The following AKAP6 variants were observed in gnomAD, a reference collection of about 807,000 sequenced individuals.
The protein encoded by AKAP6 is A-kinase anchor protein 6.
A neutral mutation model predicts 188.5 loss-of-function variants in AKAP6; 58 were observed. That is an observed-to-expected ratio of 0.31 (90% CI 0.25 to 0.38). The LOEUF (loss-of-function observed/expected upper bound fraction) is 0.38, where lower values mean the gene tolerates loss of function less well. AKAP6 is among the 10% of genes least tolerant of loss of function. The pLI is 1.00. For missense variants in AKAP6, 2,710 were observed against 2,740.0 expected, an observed-to-expected ratio of 0.99 and a Z score of 0.24; for synonymous variants, 989 against 998.6, an observed-to-expected ratio of 0.99 and a Z score of 0.18.
intron 9 of AKAP6, among the ~76,000 whole-genome samples, chr14:32,727,346 A>G (rs1241135147): frequency 6.6e-6 from 1 of 152,140 alleles, no homozygotes. Context: ...TTAAAGGCTT[A>G]GATATTTGTT....
chr14:32,441,159 T>G (rs1312417974), intron 2 of AKAP6, among the ~76,000 whole-genome samples: 2 of 152,092 alleles, frequency 1.3e-5, no homozygotes, highest in African/African-American at 4.8e-5. Flanking sequence ...CAGTCTAAGG[T>G]GTTTTGTTAT....
chr14:32,638,751 G>T (rs1354688621), intron 7 of AKAP6, among the ~76,000 whole-genome samples: 2 of 151,836 alleles, frequency 1.3e-5, no homozygotes, highest in Non-Finnish European at 2.9e-5. Context: ...GAGGGTAAAG[G>T]GTGGTATAGA....
At chr14:32,494,272 C>T (rs1003014694) in intron 2 of AKAP6, 8 of 152,088 alleles carry the variant, frequency 5.3e-5, no homozygotes, top group African/African-American at 9.7e-5. Flanking sequence ...TTTGTGGAAA[C>T]CATGAGTAGG....
At position 32,678,196 on chromosome 14, in the gene AKAP6, C is replaced by T. The variant is rs114097156; in HGVS notation, c.2731-115C>T. 1.0e-3 allele frequency: 1,122 copies of T among 1,088,750 alleles called. 6 individuals are homozygous for T. The highest frequency in any genetic ancestry group is 8.4e-3 in the African/African-American group (528 of 63,098). 67.4% of individuals were successfully genotyped at this position (1,088,750 alleles called of 1,614,324 possible). The stretch of plus-strand genomic sequence containing the variant: ...CCAACTGATCCCATTAAATCCAACT[C>T]GAAAAGGAGCACTATAATGATGTGA... On this transcript the variant is annotated intron_variant, in intron 7 of 13. Coordinates refer to ENST00000280979, the MANE Select transcript of AKAP6 (RefSeq NM_004274.5).
chr14:32,745,439 C>T (rs2031854629), intron 11 of AKAP6, among the ~76,000 whole-genome samples: 1 of 151,640 alleles, frequency 6.6e-6, no homozygotes, highest in Non-Finnish European at 1.5e-5. Context: ...CCCTTACTTT[C>T]TGCCAAACAA....
chr14:32,662,569 G>C (rs1888749334), intron 7 of AKAP6, among the ~76,000 whole-genome samples: 1 of 152,080 alleles, frequency 6.6e-6, no homozygotes, highest in Admixed American at 6.6e-5. Context: ...ATGTGGTCCA[G>C]AGGCTTGTTT....
At chr14:32,595,553 G>T (rs1354974459) in intron 5 of AKAP6, among the ~76,000 whole-genome samples, 1 of 152,022 alleles carries the variant, frequency 6.6e-6, no homozygotes, top group African/African-American at 2.4e-5. Flanking sequence ...CTATTGCCCA[G>T]GCTGGAGTGC....
intron 5 of AKAP6, among the ~76,000 whole-genome samples, chr14:32,588,534 G>C (rs12886986): frequency 1.3e-5 from 2 of 152,186 alleles, no homozygotes; most frequent in Non-Finnish European, 2.9e-5. Context: ...AGTGGCGTTT[G>C]TGTGTGTATG....
At chr14:32,769,503 A>G (rs1219780597) in intron 11 of AKAP6, among the ~76,000 whole-genome samples, 2 of 151,500 alleles carry the variant, frequency 1.3e-5, no homozygotes, top group Non-Finnish European at 2.9e-5. Context: ...GATGTTAAAC[A>G]GTTGATCAGT....
chr14:32,611,157 G>A (rs985268431), intron 7 of AKAP6, among the ~76,000 whole-genome samples: 1 of 152,152 alleles, frequency 6.6e-6, no homozygotes, highest in Non-Finnish European at 1.5e-5. Flanking sequence ...GAGCCTGAGG[G>A]AAGGGTTAAC....
intron 2 of AKAP6, chr14:32,495,147 A>G (rs1690634203): frequency 6.6e-6 from 1 of 152,194 alleles, no homozygotes; most frequent in Admixed American, 6.5e-5. Flanking sequence ...AGGCAGTTAG[A>G]CCTTAAGTGT....
chr14:32,708,972 A>G (rs1216675145), intron 9 of AKAP6, among the ~76,000 whole-genome samples: 1 of 152,088 alleles, frequency 6.6e-6, no homozygotes, highest in Non-Finnish European at 1.5e-5. Flanking sequence ...ACCAGGAGCC[A>G]AAATCCTCAT....
intron 1 of AKAP6, among the ~76,000 whole-genome samples, chr14:32,347,249 A>T (rs9322896): frequency 3.9e-5 from 6 of 152,170 alleles, no homozygotes; most frequent in African/African-American, 1.4e-4. Flanking sequence ...GAGGCATCAG[A>T]GAAGTCTTGC....
chr14:32,741,103 T>A (rs1176828818), intron 11 of AKAP6, among the ~76,000 whole-genome samples: 3 of 151,706 alleles, frequency 2.0e-5, no homozygotes, highest in African/African-American at 7.3e-5. Flanking sequence ...AGTTCTTTGG[T>A]TAATTCCTGG....
chr14:32,353,343 T>G (rs548032730), intron 1 of AKAP6, among the ~76,000 whole-genome samples: 50 of 151,628 alleles, frequency 3.3e-4, no homozygotes, highest in South Asian at 1.5e-3. Flanking sequence ...TGGGCAGACA[T>G]GAGGTCAGGA....
At chr14:32,737,469 G>A (rs939134723) in intron 11 of AKAP6, among the ~76,000 whole-genome samples, 1 of 152,142 alleles carries the variant, frequency 6.6e-6, no homozygotes, top group East Asian at 1.9e-4. Context: ...AATTATAATT[G>A]GTAATAAGCA....
At position 32,678,849 on chromosome 14, in the gene AKAP6, A is replaced by G. The variant is rs139194005; in HGVS notation, c.2879+390A>G. Reference sequence around the variant, plus strand: ...TTTTAAACACCAGAACCATTTTGGAAACTTAGAAGAACATAATTTTCCTGA... The same window carrying G: ...TTTTAAACACCAGAACCATTTTGGAGACTTAGAAGAACATAATTTTCCTGA... On this transcript the variant is annotated intron_variant, in intron 8 of 13. Transcript: ENST00000280979. Among the ~76,000 whole-genome samples the G allele has an allele frequency of 4.4e-4, 67 of 152,326 alleles. 1 individual carries two copies. Among genetic ancestry groups the G allele is most frequent in the African/African-American group, 1.5e-3 (64 of 41,562 alleles).
chr14:32,803,893 A>G (rs886634692), intron 12 of AKAP6, among the ~76,000 whole-genome samples: 1 of 152,192 alleles, frequency 6.6e-6, no homozygotes, highest in Non-Finnish European at 1.5e-5. Context: ...GAGAGATAGC[A>G]CAATCTCTTC....
At chr14:32,389,267 A>T (rs961783283) in intron 1 of AKAP6, among the ~76,000 whole-genome samples, 1 of 151,994 alleles carries the variant, frequency 6.6e-6, no homozygotes, top group Admixed American at 6.6e-5. Context: ...AAGGCAGCAG[A>T]TTGTTGGTTG....
Sources: allele counts gnomAD v4.1 joint callset (sites outside exome capture counted in the v4.1 genomes callset), GRCh38; gene constraint gnomAD v4.1.1; transcripts MANE v1.5; gene names NCBI Gene and HGNC (gene_info 2026-07-23, HGNC 2026-07-21).